The following UACA variants were observed in gnomAD, a reference collection of about 807,000 sequenced individuals.
The protein encoded by UACA is nuclear membrane binding protein.
Under a neutral mutation model 160.5 loss-of-function variants are expected in UACA, and 112 were observed. The ratio of observed to expected loss-of-function variants is 0.70; its 90% CI spans 0.60 to 0.82. UACA has a LOEUF of 0.82. Among genes scored for constraint, UACA ranks in the 40% least tolerant of loss-of-function variants. The pLI is 0.00. For synonymous variants in UACA, 557 were observed against 568.4 expected (o/e 0.98, Z 0.29); for missense variants, 1,574 against 1,614.6 (o/e 0.97, Z 0.43).
rs765452176 is a variant in UACA, at chr15:70,713,696, A to G, written c.79-14036T>C. On this transcript the variant is annotated intron_variant, in intron 1 of 18. Coordinates refer to ENST00000322954, the MANE Select transcript of UACA (RefSeq NM_018003.4). ...TGGTCACTTTGGAATCAAGTCTACA[A>G]AAATAACTCATCCTGACATACTATT... 2.0e-5 allele frequency among the ~76,000 whole-genome samples: 3 copies of G among 152,226 alleles called. 1 individual carries two copies. The highest frequency in any genetic ancestry group is 2.0e-4 in the Admixed American group (3 of 15,284).
Position 70,667,727 on chromosome 15 carries a change from G to GCA in UACA, c.2956_2957insTG (p.Ala986ValfsTer21), listed in dbSNP as rs1896976420. On this transcript the variant is annotated frameshift_variant, in exon 16 of 19. Transcript: ENST00000322954. LOFTEE classifies it high-confidence loss of function. ...GCACTCCTCAAAGCTGACAATTGGG[G>GCA]CGTATTTTACCTTAATGCATTCTTG... is the stretch of plus-strand genomic sequence containing the variant. 1 of 1,613,824 alleles carries GCA rather than the reference G, an allele frequency of 6.2e-7. No individual in the cohort carries two copies. Among genetic ancestry groups the GCA allele is most frequent in the South Asian group, 1.1e-5 (1 of 91,064 alleles).
the UACA span, among the ~76,000 whole-genome samples, chr15:70,769,984 G>T: frequency 6.6e-6 from 1 of 152,126 alleles, no homozygotes; most frequent in Admixed American, 6.6e-5. Context: ...GCAACACAGC[G>T]AGACTCCCTC....
At position 70,666,935 on chromosome 15, in the gene UACA, A is replaced by C; in HGVS notation, c.3749T>G (p.Leu1250Arg). 6.2e-7 allele frequency: 1 copy of C among 1,612,268 alleles called. No individual in the cohort carries two copies. The highest frequency in any genetic ancestry group is 8.5e-7 in the Non-Finnish European group (1 of 1,179,688). The part of the protein sequence containing the change: ...ISSLNEKLAN[L>R]NRKYEEVCEE... ...ACATACTTCCTCATACTTTCTATTC[A>C]GATTGGCCAATTTTTCATTTAAGCT... Residue 1250 changes from leucine (L) to arginine (R), a missense_variant, in exon 16 of 19, where the codon CTG becomes CGG. Coordinates refer to ENST00000322954, the MANE Select transcript of UACA (RefSeq NM_018003.4).
In UACA at chr15:70,709,666, A is replaced by C. The variant is rs1425874879; in HGVS notation, c.79-10006T>G. On this transcript the variant is annotated intron_variant, in intron 1 of 18. Transcript: ENST00000322954. ...AAAAAGTCTGAACAAGATTTATTTA[A>C]GCCTATGAGTCCAATACTGAATATT... 2.0e-5 allele frequency among the ~76,000 whole-genome samples: 3 copies of C among 152,206 alleles called. No individual in the cohort carries two copies. In the East Asian group the frequency reaches 5.8e-4, roughly 29 times the overall value.
intron 1 of UACA, among the ~76,000 whole-genome samples, chr15:70,744,265 A>AAG (rs1167132785): frequency 0.026 from 3,922 of 148,496 alleles, 189 homozygotes; most frequent in African/African-American, 0.096. Context: ...AAAAAAAAAA[A>AAG]AAAGAAAGAA....
chr15:70,748,652 C>G (rs1899785760), intron 1 of UACA, among the ~76,000 whole-genome samples: 1 of 152,106 alleles, frequency 6.6e-6, no homozygotes, highest in South Asian at 2.1e-4. Flanking sequence ...CATTCTACCC[C>G]TCCCTTTCCC....
At chr15:70,688,740 G>A (rs533142519) in intron 5 of UACA, among the ~76,000 whole-genome samples, 9 of 151,992 alleles carry the variant, frequency 5.9e-5, no homozygotes, top group East Asian at 1.9e-4. Flanking sequence ...ATGAAGAACC[G>A]CTTAAAGCCA....
At chr15:70,759,391 G>C (rs58378691) in intron 1 of UACA, among the ~76,000 whole-genome samples, 27,604 of 152,152 alleles carry the variant, frequency 0.18, 3,808 homozygotes, top group African/African-American at 0.39. Context: ...CACGGTGGCT[G>C]ATGCTTGTAA....
At chr15:70,663,857 T>C (rs1446841794) in intron 17 of UACA, among the ~76,000 whole-genome samples, 5 of 101,166 alleles carry the variant, frequency 4.9e-5, no homozygotes, top group Non-Finnish European at 9.1e-5. Context: ...CATCACACAC[T>C]GGGGCCTGTT....
chr15:70,687,240 C>A (rs1897757474), intron 7 of UACA, among the ~76,000 whole-genome samples: 1 of 152,172 alleles, frequency 6.6e-6, no homozygotes, highest in South Asian at 2.1e-4. Context: ...GTTTTTTAAG[C>A]TTAAAACACC....
chr15:70,764,737 T>G (rs1370572289), upstream of UACA, among the ~76,000 whole-genome samples: 1 of 152,204 alleles, frequency 6.6e-6, no homozygotes, highest in African/African-American at 2.4e-5. Flanking sequence ...CCCAAAAATA[T>G]TATTAAATTT....
chr15:70,699,320 C>T (rs564820145), intron 2 of UACA, among the ~76,000 whole-genome samples: 2 of 152,168 alleles, frequency 1.3e-5, no homozygotes, highest in African/African-American at 4.8e-5. Flanking sequence ...AATTCTAGAC[C>T]ACTGGATAGT....
upstream of UACA, among the ~76,000 whole-genome samples, chr15:70,766,353 T>C (rs1300795002): frequency 6.6e-6 from 1 of 152,232 alleles, no homozygotes; most frequent in East Asian, 1.9e-4. Context: ...TATTTTTATC[T>C]TCCCTTCAGA....
intron 1 of UACA, among the ~76,000 whole-genome samples, chr15:70,740,936 G>A (rs1164320171): frequency 6.6e-6 from 1 of 151,994 alleles, no homozygotes; most frequent in African/African-American, 2.4e-5. Flanking sequence ...CTACTCAGGA[G>A]GCTGAGGCAG....
At chr15:70,664,151 T>C (rs1222001802) in intron 17 of UACA, among the ~76,000 whole-genome samples, 1 of 152,214 alleles carries the variant, frequency 6.6e-6, no homozygotes, top group Non-Finnish European at 1.5e-5. Flanking sequence ...CTTCCAACAT[T>C]AGCTTCTAAA....
At chr15:70,678,590 G>A (rs1897370321) in intron 10 of UACA, among the ~76,000 whole-genome samples, 2 of 152,110 alleles carry the variant, frequency 1.3e-5, no homozygotes, top group South Asian at 4.1e-4. Context: ...ATCATTTTCA[G>A]TGCTCTGGTA....
chr15:70,687,909 T>C (rs1181146780), intron 5 of UACA, 89 bp from the exon 6 acceptor site: 1 of 1,284,370 alleles, frequency 7.8e-7, no homozygotes, highest in Non-Finnish European at 1.1e-6. Context: ...GAATAAGTTT[T>C]TCAATTTCTA....
chr15:70,748,376 G>C (rs1305327447), intron 1 of UACA, among the ~76,000 whole-genome samples: 1 of 150,848 alleles, frequency 6.6e-6, no homozygotes, highest in Non-Finnish European at 1.5e-5. Context: ...GGGTGACACA[G>C]TCTTCTGGCA....
chr15:70,677,255 G>T, intron 11 of UACA, 115 bp from the exon 12 acceptor site: 1 of 692,338 alleles, frequency 1.4e-6, no homozygotes, highest in Non-Finnish European at 2.4e-6. Flanking sequence ...CTAGGGCCAA[G>T]GATATGAGAA....
Sources: allele counts gnomAD v4.1 joint callset (sites outside exome capture counted in the v4.1 genomes callset), GRCh38; gene constraint gnomAD v4.1.1; transcripts MANE v1.5; gene names NCBI Gene and HGNC (gene_info 2026-07-23, HGNC 2026-07-21).